The following SCAPER variants were observed in gnomAD, a reference collection of about 807,000 sequenced individuals.
SCAPER encodes S-phase cyclin A associated protein in the ER.
A neutral mutation model predicts 182.2 loss-of-function variants in SCAPER; 98 were observed. That is an observed-to-expected ratio of 0.54 (90% CI 0.46 to 0.64). The LOEUF is 0.64. Among genes scored for constraint, SCAPER ranks in the 30% least tolerant of loss-of-function variants. The pLI is 0.00. For synonymous variants in SCAPER, 605 were observed against 564.6 expected, an observed-to-expected ratio of 1.07 and a Z score of -1.01; for missense variants, 1,432 against 1,690.0, an observed-to-expected ratio of 0.85 and a Z score of 2.68.
intron 22 of SCAPER, among the ~76,000 whole-genome samples, chr15:76,600,387 ATGTGTG>A (rs60494575): frequency 0.31 from 27,711 of 88,566 alleles, 8,284 homozygotes; most frequent in Non-Finnish European, 0.4. Flanking sequence ...GTGTGTGTAT[ATGTGTG>A]TGTGTGTGTG....
At chr15:76,477,146 G>A (rs1488413681) in intron 24 of SCAPER, among the ~76,000 whole-genome samples, 1 of 152,118 alleles carries the variant, frequency 6.6e-6, no homozygotes, top group African/African-American at 2.4e-5. Flanking sequence ...ATATGAGACA[G>A]ACTGAACTAA....
chr15:76,900,203 G>C (rs563563949), intron 1 of SCAPER, among the ~76,000 whole-genome samples: 1 of 151,978 alleles, frequency 6.6e-6, no homozygotes, highest in Non-Finnish European at 1.5e-5. Flanking sequence ...AAACAGGGCC[G>C]AAGGCCGCAG....
At chr15:76,817,119 C>T (rs78226720) in intron 5 of SCAPER, among the ~76,000 whole-genome samples, 84 of 152,318 alleles carry the variant, frequency 5.5e-4, no homozygotes, top group Non-Finnish European at 1.1e-3. Context: ...TATGACATCA[C>T]TAGGTGACAA....
chr15:76,554,649 T>A (rs157759), intron 23 of SCAPER, among the ~76,000 whole-genome samples: 88,433 of 145,142 alleles, frequency 0.61, 26,068 homozygotes, highest in Middle Eastern at 0.67. Flanking sequence ...CGACATAAAA[T>A]AAAAAAAGAA....
intron 20 of SCAPER, among the ~76,000 whole-genome samples, chr15:76,686,048 T>C (rs2058022272): frequency 6.6e-6 from 1 of 152,056 alleles, no homozygotes; most frequent in Admixed American, 6.5e-5. Context: ...CAAAAAGTAC[T>C]ATCTATAAAG....
At chr15:76,417,879 G>A (rs367975168) in intron 26 of SCAPER, among the ~76,000 whole-genome samples, 81 of 152,222 alleles carry the variant, frequency 5.3e-4, no homozygotes, top group Non-Finnish European at 9.1e-4. Flanking sequence ...TTAGCTGGGC[G>A]TGGTGGTGCG....
At chr15:76,652,371 C>CACACACATAT (rs764864981) in intron 21 of SCAPER, among the ~76,000 whole-genome samples, 4 of 8,058 alleles carry the variant, frequency 5.0e-4, no homozygotes, top group African/African-American at 5.2e-4. Flanking sequence ...CACACACACA[C>CACACACATAT]ATATATATAT....
At chr15:76,458,165 A>G (rs2048880110) in intron 25 of SCAPER, among the ~76,000 whole-genome samples, 1 of 152,088 alleles carries the variant, frequency 6.6e-6, no homozygotes, top group African/African-American at 2.4e-5. Context: ...TCTACTTTCA[A>G]GATACTCTCT....
chr15:76,697,968 T>A (rs2058739204), intron 20 of SCAPER, among the ~76,000 whole-genome samples: 2 of 151,946 alleles, frequency 1.3e-5, no homozygotes, highest in Admixed American at 6.6e-5. Flanking sequence ...GGAAAGAATA[T>A]CCTTTACAAT....
At chr15:76,878,686 G>C (rs1224990993) in intron 2 of SCAPER, among the ~76,000 whole-genome samples, 4 of 152,086 alleles carry the variant, frequency 2.6e-5, no homozygotes, top group Non-Finnish European at 5.9e-5. Context: ...CTAGGACTTT[G>C]GGAGGCCAAG....
Position 76,381,459 on chromosome 15 carries a change from G to T in SCAPER, c.3624C>A (p.Tyr1208Ter), listed in dbSNP as rs749172794. 4 of 1,613,880 alleles carry T rather than the reference G, an allele frequency of 2.5e-6. No individual in the cohort carries two copies. The highest frequency in any genetic ancestry group is 3.4e-6 in the Non-Finnish European group (4 of 1,179,864). Residue 1208 changes from tyrosine (Y) to a stop codon, truncating the protein, a stop_gained, in exon 28 of 32, where the codon TAC (tyrosine) becomes TAA (stop). Coordinates refer to ENST00000563290, the MANE Select transcript of SCAPER (RefSeq NM_020843.4). LOFTEE classifies it high-confidence loss of function. ...DPSTASPKEN[Y>*]TQNTIQVAIQ... ...TGGCCACTTGGATGGTATTTTGAGT[G>T]TAATTCTCCTTGGGACTGGCAGTGC...
intron 21 of SCAPER, among the ~76,000 whole-genome samples, chr15:76,653,314 C>T (rs1213601994): frequency 6.6e-6 from 1 of 152,110 alleles, no homozygotes; most frequent in African/African-American, 2.4e-5. Context: ...AGATATAATG[C>T]TATTCATATC....
chr15:76,602,683 T>C (rs1304397130), intron 22 of SCAPER, among the ~76,000 whole-genome samples: 1 of 120,754 alleles, frequency 8.3e-6, no homozygotes, highest in African/African-American at 2.5e-5. Context: ...CACTTTCTTT[T>C]CCCTTCTGGT....
intron 14 of SCAPER, among the ~76,000 whole-genome samples, chr15:76,761,253 G>A (rs1348313674): frequency 6.6e-6 from 1 of 151,980 alleles, no homozygotes; most frequent in Non-Finnish European, 1.5e-5. Flanking sequence ...GACTAGCTAA[G>A]AGTTTGATTT....
chr15:76,684,523 T>C (rs1334810468), intron 20 of SCAPER, among the ~76,000 whole-genome samples: 2 of 151,702 alleles, frequency 1.3e-5, no homozygotes, highest in East Asian at 1.9e-4. Context: ...TTTTAAGATA[T>C]TAAAAATAAA....
At chr15:76,695,961 T>C (rs1417017482) in intron 20 of SCAPER, among the ~76,000 whole-genome samples, 1 of 152,198 alleles carries the variant, frequency 6.6e-6, no homozygotes, top group Admixed American at 6.5e-5. Context: ...TTACCAACCC[T>C]ACTGAGGTAT....
At chr15:76,572,319 T>C (rs1434369940) in intron 23 of SCAPER, among the ~76,000 whole-genome samples, 1 of 152,190 alleles carries the variant, frequency 6.6e-6, no homozygotes, top group Non-Finnish European at 1.5e-5. Context: ...AATCAGTATA[T>C]AAATAATTTT....
At chr15:76,527,403 T>C (rs1310081260) in intron 23 of SCAPER, among the ~76,000 whole-genome samples, 3 of 152,316 alleles carry the variant, frequency 2.0e-5, no homozygotes, top group South Asian at 2.1e-4. Flanking sequence ...CTCCAGGTCA[T>C]ATAAATGGCA....
intron 21 of SCAPER, among the ~76,000 whole-genome samples, chr15:76,644,143 A>G (rs1400432819): frequency 3.3e-5 from 5 of 152,170 alleles, no homozygotes; most frequent in South Asian, 2.1e-4. Flanking sequence ...TAGAAGGTAT[A>G]TACGATCAAA....
Sources: gnomAD v4.1 joint callset for allele counts (sites outside exome capture counted in the v4.1 genomes callset) on GRCh38, gnomAD v4.1.1 for gene constraint, MANE v1.5 for transcripts, NCBI Gene and HGNC (gene_info 2026-07-23, HGNC 2026-07-21) for gene names.